Variants in CDH19 observed in about 807,000 individuals in gnomAD.
CDH19 encodes the protein cadherin 19, also known as cadherin-19.
Under a neutral mutation model 64.2 loss-of-function variants are expected in CDH19, and 67 were observed. That is an observed-to-expected ratio of 1.04 (90% CI 0.86 to 1.28). The LOEUF (loss-of-function observed/expected upper bound fraction) is 1.28. CDH19 is among the 50% of genes most tolerant of loss of function. The pLI, the probability that CDH19 is intolerant of heterozygous loss-of-function variation, is 0.00. For missense variants in CDH19, 1,030 were observed against 929.0 expected (o/e 1.11, Z -1.41); for synonymous variants, 346 against 319.3 (o/e 1.08, Z -0.89).
intron 1 of CDH19, among the ~76,000 whole-genome samples, chr18:66,595,915 A>G (rs547249202): frequency 7.9e-5 from 12 of 152,126 alleles, no homozygotes; most frequent in Non-Finnish European, 1.5e-4. Flanking sequence ...AAAAGTCCTC[A>G]ACAAAATACT....
chr18:66,505,746 C>T (rs1985168401), intron 11 of CDH19, among the ~76,000 whole-genome samples: 2 of 151,406 alleles, frequency 1.3e-5, no homozygotes, highest in Non-Finnish European at 2.9e-5. Context: ...AACAACAGAA[C>T]AGTTTGATGT....
At chr18:66,517,979 CTTTAT>C (rs2144369818) in intron 9 of CDH19, among the ~76,000 whole-genome samples, 1 of 151,630 alleles carries the variant, frequency 6.6e-6, no homozygotes, top group South Asian at 2.1e-4. Context: ...TTTTCAGTGA[CTTTAT>C]TTTATATGTA....
chr18:66,598,641 C>T (rs971455801), intron 1 of CDH19, among the ~76,000 whole-genome samples: 2 of 152,074 alleles, frequency 1.3e-5, no homozygotes, highest in Non-Finnish European at 2.9e-5. Flanking sequence ...ATTGAGTACA[C>T]ATGGACAGCA....
At chr18:66,576,395 G>T (rs579633) in intron 1 of CDH19, among the ~76,000 whole-genome samples, 1,742 of 151,422 alleles carry the variant, frequency 0.012, 36 homozygotes, top group African/African-American at 0.041. Context: ...CATAATATTA[G>T]ATAATGTAGA....
chr18:66,562,979 G>A (rs1397120989), intron 3 of CDH19, among the ~76,000 whole-genome samples: 1 of 152,022 alleles, frequency 6.6e-6, no homozygotes, highest in Non-Finnish European at 1.5e-5. Context: ...GTTATGCAGA[G>A]GATGAAACTA....
At chr18:66,558,621 A>G (rs1987607525) in intron 3 of CDH19, among the ~76,000 whole-genome samples, 1 of 152,076 alleles carries the variant, frequency 6.6e-6, no homozygotes, top group Non-Finnish European at 1.5e-5. Flanking sequence ...ATATTTTTAT[A>G]AAGACTTGTT....
At chr18:66,517,289 G>A (rs1985779186) in intron 9 of CDH19, among the ~76,000 whole-genome samples, 1 of 151,872 alleles carries the variant, frequency 6.6e-6, no homozygotes, top group African/African-American at 2.4e-5. Context: ...ATGGAGACAA[G>A]GTAAATGTCT....
chr18:66,554,649 T>G, intron 3 of CDH19, 125 bp from the exon 4 acceptor site: 1 of 623,882 alleles, frequency 1.6e-6, no homozygotes, highest in East Asian at 3.0e-5. Flanking sequence ...TTCACCTCCT[T>G]GTTCTTAATT....
intron 10 of CDH19, among the ~76,000 whole-genome samples, chr18:66,510,567 CGTT>C (rs1177841187): frequency 4.3e-5 from 6 of 137,948 alleles, no homozygotes; most frequent in African/African-American, 1.3e-4. Context: ...AATAAAATAA[CGTT>C]GAAGTCTGCA....
chr18:66,530,282 G>C (rs1403150692), intron 8 of CDH19, among the ~76,000 whole-genome samples: 1 of 151,920 alleles, frequency 6.6e-6, no homozygotes, highest in Non-Finnish European at 1.5e-5. Flanking sequence ...CAAGAGTCCA[G>C]GAACCATTTA....
At chr18:66,546,872 A>C (rs1987137020) in intron 5 of CDH19, among the ~76,000 whole-genome samples, 1 of 152,174 alleles carries the variant, frequency 6.6e-6, no homozygotes, top group African/African-American at 2.4e-5. Context: ...TTGGTTTCTT[A>C]GTAAGCAAAC....
chr18:66,573,798 T>G (rs1180116616), intron 1 of CDH19, among the ~76,000 whole-genome samples: 1 of 151,210 alleles, frequency 6.6e-6, no homozygotes, highest in Non-Finnish European at 1.5e-5. Flanking sequence ...GTTTCAGTAA[T>G]TACCAACACA....
At chr18:66,542,479 C>G (rs531520854) in intron 7 of CDH19, among the ~76,000 whole-genome samples, 2 of 152,168 alleles carry the variant, frequency 1.3e-5, no homozygotes, top group South Asian at 4.2e-4. Flanking sequence ...ACCTCAACTA[C>G]TGAAACAAAC....
intron 7 of CDH19, among the ~76,000 whole-genome samples, chr18:66,543,505 C>A (rs1986974125): frequency 6.6e-6 from 1 of 152,114 alleles, no homozygotes; most frequent in African/African-American, 2.4e-5. Flanking sequence ...TGCATCTTAA[C>A]CGACACTGAG....
At position 66,509,188 on chromosome 18, in the gene CDH19, G is replaced by C. The variant is rs1350807451; in HGVS notation, c.1635C>G (p.Val545=). The C allele has an allele frequency of 1.2e-6, 2 of 1,612,476 alleles. No individual in the cohort carries two copies. Among genetic ancestry groups the C allele is most frequent in the African/African-American group, 2.7e-5 (2 of 74,826 alleles). Residue 545 remains valine (V), a synonymous_variant, in exon 11 of 12, where the codon GTC becomes GTG. Coordinates refer to ENST00000262150, the MANE Select transcript of CDH19 (RefSeq NM_021153.4). ...CGGCAATTAAGATGGAGATGTAGAA[G>C]ACAGGTTCTTCTTGAAGGTTAAAAC... The part of the protein sequence containing the change: ...RTGFNLQEEP[V]FYISILIADN...
At chr18:66,508,531 G>C (rs1258610231) in intron 11 of CDH19, among the ~76,000 whole-genome samples, 1 of 151,556 alleles carries the variant, frequency 6.6e-6, no homozygotes, top group Non-Finnish European at 1.5e-5. Flanking sequence ...AAAGCTTTTT[G>C]AGTTTCTATT....
At chr18:66,521,137 G>A (rs1435042399) in intron 9 of CDH19, among the ~76,000 whole-genome samples, 6 of 152,130 alleles carry the variant, frequency 3.9e-5, no homozygotes, top group Admixed American at 3.3e-4. Flanking sequence ...TACTAAAAAT[G>A]TTCACTTCCT....
chr18:66,600,241 A>T (rs2144648424), intron 1 of CDH19, among the ~76,000 whole-genome samples: 1 of 152,052 alleles, frequency 6.6e-6, no homozygotes, highest in East Asian at 1.9e-4. Flanking sequence ...GTATACAGAC[A>T]GCTAGAATAT....
intron 1 of CDH19, among the ~76,000 whole-genome samples, chr18:66,574,318 A>G (rs1988201365): frequency 6.6e-6 from 1 of 151,688 alleles, no homozygotes; most frequent in Admixed American, 6.6e-5. Context: ...AGCCAATCCT[A>G]TTGCATGACA....
Sources: allele counts gnomAD v4.1 joint callset (sites outside exome capture counted in the v4.1 genomes callset), GRCh38; gene constraint gnomAD v4.1.1; transcripts MANE v1.5; gene names NCBI Gene and HGNC (gene_info 2026-07-23, HGNC 2026-07-21).